Variants in IRGQ observed in about 807,000 individuals in gnomAD.
The protein encoded by IRGQ is immunity-related GTPase family Q protein.
In IRGQ, 5 loss-of-function variants were observed where a neutral mutation model predicts 10.5. The ratio of observed to expected loss-of-function variants is 0.48; its 90% CI spans 0.25 to 1.00. The LOEUF is 1.00. Ranked by LOEUF, IRGQ falls within the 50% of genes least tolerant of loss-of-function variation. IRGQ has a pLI of 0.16. For synonymous variants in IRGQ, 418 were observed against 426.0 expected, an observed-to-expected ratio of 0.98 and a Z score of 0.23; for missense variants, 792 against 877.7, an observed-to-expected ratio of 0.90 and a Z score of 1.23.
In IRGQ at chr19:43,595,246, A is replaced by G; in HGVS notation, c.93T>C (p.Asp31=). ...SALIAALCDK[D]VETLEAPEGR... is the part of the protein sequence containing the mutation. ...CCTCGGGGGCCTCGAGCGTCTCCAC[A>G]TCCTTGTCGCACAGCGCTGCGATCA... Residue 31 remains aspartate (D), a synonymous_variant, in exon 2 of 3, where the codon GAT becomes GAC. Coordinates refer to ENST00000422989, the MANE Select transcript of IRGQ (RefSeq NM_001007561.3). 1 of 1,612,336 alleles carries G rather than the reference A, an allele frequency of 6.2e-7. No homozygotes were observed. Among genetic ancestry groups the G allele is most frequent in the Non-Finnish European group, 8.5e-7 (1 of 1,179,710 alleles).
chr19:43,595,064 A>G lies in IRGQ; in HGVS notation c.275T>C (p.Leu92Ser), dbSNP rs1340979866. The change falls in exon 2 of 3, where the codon TTG becomes TCG. Residue 92 changes from leucine (L) to serine (S), a missense_variant. Coordinates refer to ENST00000422989, the MANE Select transcript of IRGQ (RefSeq NM_001007561.3). Reference protein sequence around the residue: ...LPGPEGNGEPLAPALGEAALA... With the variant: ...LPGPEGNGEPSAPALGEAALA... ...CGCTGCCTCTCCCAGGGCTGGAGCC[A>G]ACGGTTCCCCGTTCCCCTCGGGTCC... The G allele has an allele frequency of 1.9e-6, 3 of 1,612,908 alleles. No homozygotes were observed. The South Asian group carries it at 3.3e-5, about 18-fold the overall frequency.
Position 43,592,961 on chromosome 19 carries a change from A to G in IRGQ, c.937T>C (p.Trp313Arg). 1 of 1,609,352 alleles carries G rather than the reference A, an allele frequency of 6.2e-7. No individual in the cohort carries two copies. The highest frequency in any genetic ancestry group is 1.3e-5 in the African/African-American group (1 of 75,012). ...AGCAGCAAGGCCTGGACCTGGGCCC[A>G]GTCCTTCTCAGTGGGGGCCCCAGGG... ...VTPGAPTEKD[W>R]AQVQALLLPD... is the part of the protein sequence containing the mutation. Residue 313 changes from tryptophan to arginine, a missense_variant, in exon 3 of 3, where the codon TGG becomes CGG. Coordinates refer to ENST00000422989, the MANE Select transcript of IRGQ (RefSeq NM_001007561.3).
Position 43,594,982 on chromosome 19 carries a change from C to A in IRGQ, c.357G>T (p.Gly119=), listed in dbSNP as rs750361743. Residue 119 remains glycine, a synonymous_variant, in exon 2 of 3, where the codon GGG becomes GGT. Coordinates refer to ENST00000422989, the MANE Select transcript of IRGQ (RefSeq NM_001007561.3). ...GGGCCTGGGCGGCAGTCTGTGAATC[C>A]CCAGGACGGAGGTTCCGCACAGCCA... The part of the protein sequence containing the change: ...PLLAVRNLRP[G]DSQTAAQARD... 1.9e-6 allele frequency: 3 copies of A among 1,613,762 alleles called. No homozygotes were observed. The Admixed American group carries it at 5.0e-5, about 27-fold the overall frequency.
At position 43,593,084 on chromosome 19, in the gene IRGQ, C is replaced by T; in HGVS notation, c.814G>A (p.Val272Met). ...CCCAGAGGCACGGTCCAGAGCACCA[C>T]ATTCGGGCGCTCTGGGGCTGGGAAG... ...TPFPAPERPN[V>M]VLWTVPLGHT... Residue 272 changes from valine to methionine, a missense_variant, in exon 3 of 3, where the codon GTG becomes ATG. Transcript: ENST00000422989. This position sits in a 1 kb window ranked among gnomAD's most constrained non-coding sequence, Gnocchi z 6.4. 1.3e-6 allele frequency: 2 copies of T among 1,591,084 alleles called. No homozygotes were observed. The highest frequency in any genetic ancestry group is 1.7e-6 in the Non-Finnish European group (2 of 1,164,588).
In IRGQ at chr19:43,592,495, C is replaced by T. The variant is rs764363953; in HGVS notation, c.1403G>A (p.Ser468Asn). Residue 468 changes from serine (S) to asparagine (N), a missense_variant, in exon 3 of 3, where the codon AGC becomes AAC. Coordinates refer to ENST00000422989, the MANE Select transcript of IRGQ (RefSeq NM_001007561.3). ...CGCCGCAGCCTTGGTTCGGGCAGCG[C>T]TGGGAGATGCTGGTGGCAACGCCAG... The part of the protein sequence containing the change: ...LLLALPPASP[S>N]AARTKAAALR... 60 of 1,594,218 alleles carry T rather than the reference C, an allele frequency of 3.8e-5. No individual in the cohort carries two copies. The highest frequency in any genetic ancestry group is 4.8e-5 in the Non-Finnish European group (57 of 1,178,018).
At position 43,587,774 on chromosome 19, in the gene IRGQ, C is replaced by G. The variant is rs1187400777; in HGVS notation, c.*4252G>C. ...ATACAAAAATTAGTGGGCATGGTGG[C>G]GGGTGCCTGTAATCCCAGCTACTCG... On this transcript the variant is annotated 3_prime_UTR_variant, in exon 3 of 3. Coordinates refer to ENST00000422989, the MANE Select transcript of IRGQ (RefSeq NM_001007561.3). 6.6e-6 allele frequency: 1 copy of G among 151,468 alleles called. No homozygotes were observed. The highest frequency in any genetic ancestry group is 1.5e-5 in the Non-Finnish European group (1 of 67,936). 9.4% of individuals were successfully genotyped at this position (151,468 alleles called of 1,614,324 possible). A position where few individuals can be genotyped will look rare whatever the true frequency, so the allele number is the denominator to read the frequency against.
Position 43,595,104 on chromosome 19 carries a change from C to A in IRGQ, c.235G>T (p.Val79Leu). ...GPWAAEANVLVLVLPGPEGNG... is the reference protein window; with the variant it reads ...GPWAAEANVLLLVLPGPEGNG... Reference sequence around the variant, plus strand: ...CCCTCGGGTCCGGGCAGCACCAGTACCAGCACGTTGGCTTCCGCCGCCCAG... The same window carrying A: ...CCCTCGGGTCCGGGCAGCACCAGTAACAGCACGTTGGCTTCCGCCGCCCAG... The change falls in exon 2 of 3, where the codon GTA (valine) becomes TTA (leucine). Residue 79 changes from valine to leucine, a missense_variant. Val to Leu is a conservative substitution (Grantham distance 32). Transcript: ENST00000422989. 6.2e-7 allele frequency: 1 copy of A among 1,606,434 alleles called. No individual in the cohort carries two copies. Among genetic ancestry groups the A allele is most frequent in the African/African-American group, 1.3e-5 (1 of 74,910 alleles).
Position 43,591,858 on chromosome 19 carries a change from A to G in IRGQ, c.*168T>C. On this transcript the variant is annotated 3_prime_UTR_variant, in exon 3 of 3. Transcript: ENST00000422989. ...AGACTTCGTCTCACAAAAAAAAGAA[A>G]AAAAAAAAAAAAAATCAGGATTCCT... 1 of 672,370 alleles carries G rather than the reference A, an allele frequency of 1.5e-6. No individual in the cohort carries two copies. Among genetic ancestry groups the G allele is most frequent in the Non-Finnish European group, 2.3e-6 (1 of 442,288 alleles). The allele number at this position is 672,370 out of a possible 1,614,324, so 41.7% of individuals were successfully genotyped here.
At position 43,584,947 on chromosome 19, in the gene IRGQ, A is replaced by G. The variant is rs912710048; in HGVS notation, c.*7079T>C. The G allele has an allele frequency of 1.3e-5, 2 of 151,886 alleles. No individual in the cohort carries two copies. Among genetic ancestry groups the G allele is most frequent in the Non-Finnish European group, 2.9e-5 (2 of 68,042 alleles). The allele number at this position is 151,886 out of a possible 1,614,324, so 9.4% of individuals were successfully genotyped here. On this transcript the variant is annotated 3_prime_UTR_variant, in exon 3 of 3. Coordinates refer to ENST00000422989, the MANE Select transcript of IRGQ (RefSeq NM_001007561.3). ...CTTCAGCCTCGACTTCCTGGGCTCA[A>G]ACAATCCACTTGCCTCAGCCTCCCC...
chr19:43,592,516 G>A lies in IRGQ; in HGVS notation c.1382C>T (p.Ala461Val). The A allele has an allele frequency of 1.3e-6, 2 of 1,595,844 alleles. No homozygotes were observed. Among genetic ancestry groups the A allele is most frequent in the East Asian group, 2.2e-5 (1 of 44,796 alleles). Residue 461 changes from alanine (A) to valine (V), a missense_variant, in exon 3 of 3, where the codon GCG becomes GTG. Ala to Val is a moderately conservative substitution (Grantham distance 64, BLOSUM62 0). Coordinates refer to ENST00000422989, the MANE Select transcript of IRGQ (RefSeq NM_001007561.3). Reference protein sequence around the residue: ...PPAQAGALLLALPPASPSAAR... With the variant: ...PPAQAGALLLVLPPASPSAAR... ...AGCGCTGGGAGATGCTGGTGGCAAC[G>A]CCAGCAGCAGTGCCCCTGCCTGGGC... is the stretch of plus-strand genomic sequence containing the variant.
At position 43,590,201 on chromosome 19, in the gene IRGQ, CA is replaced by C. The variant is rs371594627; in HGVS notation, c.*1824del. On this transcript the variant is annotated 3_prime_UTR_variant, in exon 3 of 3. Coordinates refer to ENST00000422989, the MANE Select transcript of IRGQ (RefSeq NM_001007561.3). ...TGGGTGACAAGGTGAGACTCCATTT[CA>C]AAAAAAAAAAGAAGGAAAGTCTATC... The C allele has an allele frequency of 4.1e-4, 59 of 142,504 alleles. No individual in the cohort carries two copies. The highest frequency in any genetic ancestry group is 3.5e-3 in the Middle Eastern group (1 of 286). 8.8% of individuals were successfully genotyped at this position (142,504 alleles called of 1,614,324 possible). A position where few individuals can be genotyped will look rare whatever the true frequency, so the allele number is the denominator to read the frequency against.
Position 43,592,646 on chromosome 19 carries a change from C to T in IRGQ, c.1252G>A (p.Asp418Asn), listed in dbSNP as rs1226769952. Reference sequence around the variant, plus strand: ...TCCTCCAGCACCTCCCACGTCTCGTCCTCCGGGCTTAACGCAGCGGCCCGC... The same window carrying T: ...TCCTCCAGCACCTCCCACGTCTCGTTCTCCGGGCTTAACGCAGCGGCCCGC... The part of the protein sequence containing the change: ...SERAAALSPE[D>N]ETWEVLEEAP... Residue 418 changes from aspartate to asparagine, a missense_variant, in exon 3 of 3, where the codon GAC (aspartate) becomes AAC (asparagine). Asp to Asn is a conservative substitution (Grantham distance 23, BLOSUM62 1). Transcript: ENST00000422989. 2.5e-6 allele frequency: 4 copies of T among 1,604,706 alleles called. No individual in the cohort carries two copies. The highest frequency in any genetic ancestry group is 4.5e-5 in the East Asian group (2 of 44,866).
In IRGQ at chr19:43,592,185, G is replaced by A. The variant is rs765997800; in HGVS notation, c.1713C>T (p.Gly571=). Residue 571 remains glycine, a synonymous_variant, in exon 3 of 3, where the codon GGC becomes GGT. Transcript: ENST00000422989. ...GAWAGEGTAG[G]AALGALSFLW... ...GGAAGGAGAGAGCCCCCAGTGCTGC[G>A]CCCCCAGCAGTGCCCTCGCCCGCCC... The A allele has an allele frequency of 1.1e-5, 17 of 1,601,566 alleles. No homozygotes were observed. In the East Asian group the frequency reaches 1.3e-4, roughly 13 times the overall value.
Position 43,587,161 on chromosome 19 carries a change from C to A in IRGQ, c.*4865G>T, listed in dbSNP as rs113008156. 18 of 152,302 alleles carry A rather than the reference C, an allele frequency of 1.2e-4. No individual in the cohort carries two copies. Among genetic ancestry groups the A allele is most frequent in the African/African-American group, 4.1e-4 (17 of 41,544 alleles). The allele number at this position is 152,302 out of a possible 1,614,324, so 9.4% of individuals were successfully genotyped here. ...CATGCCCAACATGGTGAAACCCCGT[C>A]TCTGAGAAAAATACCAAAATTAGCC... On this transcript the variant is annotated 3_prime_UTR_variant, in exon 3 of 3. Transcript: ENST00000422989.
rs1292974327 is a variant in IRGQ at position 43,591,594 on chromosome 19, T to C, written c.*432A>G. The stretch of plus-strand genomic sequence containing the variant: ...CAGGGGCGGTGGCTCACGCCTGTAA[T>C]CCTAGCACTTTGGGAGGCCGGAGCG... On this transcript the variant is annotated 3_prime_UTR_variant, in exon 3 of 3. Coordinates refer to ENST00000422989, the MANE Select transcript of IRGQ (RefSeq NM_001007561.3). The C allele has an allele frequency of 3.2e-5, 5 of 157,826 alleles. No individual in the cohort carries two copies. The highest frequency in any genetic ancestry group is 1.2e-4 in the African/African-American group (5 of 41,566). 9.8% of individuals were successfully genotyped at this position (157,826 alleles called of 1,614,324 possible).
Position 43,588,508 on chromosome 19 carries a change from C to T in IRGQ, c.*3518G>A, listed in dbSNP as rs1181012467. 1 of 152,234 alleles carries T rather than the reference C, an allele frequency of 6.6e-6. No individual in the cohort carries two copies. Among genetic ancestry groups the T allele is most frequent in the Non-Finnish European group, 1.5e-5 (1 of 68,054 alleles). The allele number at this position is 152,234 out of a possible 1,614,324, so 9.4% of individuals were successfully genotyped here. On this transcript the variant is annotated 3_prime_UTR_variant, in exon 3 of 3. Coordinates refer to ENST00000422989, the MANE Select transcript of IRGQ (RefSeq NM_001007561.3). ...GAGGCCAAGGCGGGTGGCCTGAGGT[C>T]AGTAGTTCCAGACCAGCCTGATCAA...
chr19:43,592,790 T>C lies in IRGQ; in HGVS notation c.1108A>G (p.Arg370Gly). The change falls in exon 3 of 3, where the codon AGG becomes GGG. Residue 370 changes from arginine (R) to glycine (G), a missense_variant. Transcript: ENST00000422989. ...TGCGATCCAGCGCTACATTTCTCCC[T>C]TCCCTTACTGAGTGCATTCTCCAAT... is the stretch of plus-strand genomic sequence containing the variant. The part of the protein sequence containing the change: ...GGLENALSKG[R>G]EKCSAGSQKA... The C allele has an allele frequency of 6.2e-7, 1 of 1,613,952 alleles. No individual in the cohort carries two copies. The highest frequency in any genetic ancestry group is 8.5e-7 in the Non-Finnish European group (1 of 1,180,032).
At chr19:43,594,755 A>T in intron 2 of IRGQ, 54 bp downstream of exon 2, 1 of 1,511,632 alleles carries the variant, frequency 6.6e-7, no homozygotes, top group African/African-American at 1.4e-5. Flanking sequence ...CCATGGTCGC[A>T]CCTAGGTGCC....
chr19:43,592,594 C>A lies in IRGQ; in HGVS notation c.1304G>T (p.Arg435Leu). The change falls in exon 3 of 3, where the codon CGG becomes CTG. Residue 435 changes from arginine (R) to leucine (L), a missense_variant. Coordinates refer to ENST00000422989, the MANE Select transcript of IRGQ (RefSeq NM_001007561.3). ...GCATAGCCCTGGGAGTCCGCCAGGC[C>A]GTAGGGGGAACACTGGCGGCGGCGC... is the stretch of plus-strand genomic sequence containing the variant. ...EEAPPPVFPL[R>L]PGGLPGLCEW... is the part of the protein sequence containing the mutation. 1 of 1,600,562 alleles carries A rather than the reference C, an allele frequency of 6.2e-7. No individual in the cohort carries two copies. The highest frequency in any genetic ancestry group is 8.5e-7 in the Non-Finnish European group (1 of 1,179,832).
Sources: gnomAD v4.1 joint callset for allele counts on GRCh38, gnomAD v4.1.1 for gene constraint, Gnocchi (gnomAD v3.1) non-coding constraint, MANE v1.5 for transcripts, NCBI Gene and HGNC (gene_info 2026-07-23, HGNC 2026-07-21) for gene names.